Variants in STAU2 observed in about 807,000 individuals in gnomAD.
STAU2 encodes double-stranded RNA-binding protein Staufen homolog 2.
A neutral mutation model predicts 65.9 loss-of-function variants in STAU2; 20 were observed. The observed-to-expected ratio is 0.30, with a 90% CI of 0.21 to 0.44. The LOEUF is 0.44. Ranked by LOEUF, STAU2 falls within the 20% of genes least tolerant of loss-of-function variation. STAU2 has a pLI of 1.00. For missense variants in STAU2, 558 were observed against 683.9 expected, an observed-to-expected ratio of 0.82 and a Z score of 2.05; for synonymous variants, 232 against 233.9, an observed-to-expected ratio of 0.99 and a Z score of 0.07.
chr8:73,696,190 T>A (rs1022841022), intron 4 of STAU2, among the ~76,000 whole-genome samples: 3 of 152,164 alleles, frequency 2.0e-5, no homozygotes, highest in African/African-American at 7.2e-5. Context: ...CTCTAACAAG[T>A]CTCCAAAAGC....
chr8:73,635,412 C>T (rs1161141207), intron 6 of STAU2, among the ~76,000 whole-genome samples: 1 of 152,110 alleles, frequency 6.6e-6, no homozygotes, highest in African/African-American at 2.4e-5. Context: ...TGAAGGCAAG[C>T]CCATCTATTC....
chr8:73,447,784 G>A (rs1431556047), intron 13 of STAU2, among the ~76,000 whole-genome samples: 2 of 152,118 alleles, frequency 1.3e-5, no homozygotes, highest in African/African-American at 4.8e-5. Flanking sequence ...GTTAGCAGTC[G>A]TTTTCCTTTT....
chr8:73,738,259 GA>G, intron 3 of STAU2, 24 bp downstream of exon 3: 2 of 1,603,536 alleles, frequency 1.2e-6, no homozygotes, highest in Admixed American at 1.7e-5. Context: ...ATGTAAGCAT[GA>G]AAAATGCCTT....
chr8:73,664,185 G>T (rs1322980306), intron 6 of STAU2, among the ~76,000 whole-genome samples: 3 of 152,064 alleles, frequency 2.0e-5, no homozygotes, highest in African/African-American at 4.8e-5. Context: ...CCAAGTAGCT[G>T]GGACTAGAGG....
chr8:73,497,455 T>TGTC (rs1821483923), intron 13 of STAU2, among the ~76,000 whole-genome samples: 1 of 151,118 alleles, frequency 6.6e-6, no homozygotes, highest in Admixed American at 6.6e-5. Flanking sequence ...CAATAATAAA[T>TGTC]ATTGCAATTC....
At chr8:73,546,977 G>A (rs1039947279) in intron 13 of STAU2, among the ~76,000 whole-genome samples, 2 of 152,142 alleles carry the variant, frequency 1.3e-5, no homozygotes, top group African/African-American at 2.4e-5. Flanking sequence ...CCAAGTAGTA[G>A]AATTTTCATG....
chr8:73,728,508 T>C (rs1441347165), intron 3 of STAU2, among the ~76,000 whole-genome samples: 2 of 150,224 alleles, frequency 1.3e-5, no homozygotes, highest in African/African-American at 2.4e-5. Context: ...AGAGATTGCA[T>C]TGAATCTGGA....
intron 10 of STAU2, among the ~76,000 whole-genome samples, chr8:73,596,309 T>C (rs1164562822): frequency 6.6e-6 from 1 of 152,188 alleles, no homozygotes; most frequent in African/African-American, 2.4e-5. Flanking sequence ...AACCACAGCA[T>C]TTAATCCATC....
chr8:73,538,333 G>T (rs149053213), intron 13 of STAU2, among the ~76,000 whole-genome samples: 13 of 151,968 alleles, frequency 8.6e-5, no homozygotes, highest in African/African-American at 3.1e-4. Flanking sequence ...CTTTTTAAGG[G>T]CCATTTACAA....
At chr8:73,594,156 CAT>C (rs1415833020) in intron 11 of STAU2, among the ~76,000 whole-genome samples, 12 of 152,050 alleles carry the variant, frequency 7.9e-5, no homozygotes, top group South Asian at 2.1e-4. Context: ...AACTGGAACA[CAT>C]GTTAGGTTTC....
chr8:73,729,920 T>C (rs187445702), intron 3 of STAU2, among the ~76,000 whole-genome samples: 3 of 152,310 alleles, frequency 2.0e-5, no homozygotes, highest in Admixed American at 2.0e-4. Flanking sequence ...CTATCTGTGT[T>C]TTTTCTTTGT....
Position 73,540,705 on chromosome 8 carries a change from T to C in STAU2, c.1530+11307A>G, listed in dbSNP as rs544561706. Among the ~76,000 whole-genome samples the C allele has an allele frequency of 6.6e-5, 10 of 152,190 alleles. No individual in the cohort carries two copies. The South Asian group carries it at 8.3e-4, about 13-fold the overall frequency. On this transcript the variant is annotated intron_variant, in intron 13 of 14. Coordinates refer to ENST00000524300, the MANE Select transcript of STAU2 (RefSeq NM_001164380.2). ...CTTTTGCAGATATCAAAGTAAAATA[T>C]AGACAAAATAAAAAATATTTGAAGA...
At chr8:73,580,880 T>G (rs2128961646) in intron 12 of STAU2, among the ~76,000 whole-genome samples, 1 of 152,344 alleles carries the variant, frequency 6.6e-6, no homozygotes, top group Non-Finnish European at 1.5e-5. Flanking sequence ...TGGGAAGAGA[T>G]AACAGAACAT....
chr8:73,731,077 C>T (rs73689041), intron 3 of STAU2, among the ~76,000 whole-genome samples: 30,744 of 152,066 alleles, frequency 0.2, 3,482 homozygotes, highest in East Asian at 0.36. Context: ...AGTAGGAACA[C>T]GACTATTTGA....
At chr8:73,656,385 T>C (rs1435649608) in intron 6 of STAU2, among the ~76,000 whole-genome samples, 1 of 152,256 alleles carries the variant, frequency 6.6e-6, no homozygotes, top group Non-Finnish European at 1.5e-5. Flanking sequence ...CAATTGATGT[T>C]AAGTCCTCTC....
intron 6 of STAU2, among the ~76,000 whole-genome samples, chr8:73,662,606 T>TTGC (rs1816915799): frequency 6.6e-6 from 1 of 151,764 alleles, no homozygotes; most frequent in Admixed American, 6.6e-5. Flanking sequence ...GTTTTTGTTG[T>TTGC]TGTTGTTGTT....
chr8:73,452,755 G>A (rs1818864848), intron 13 of STAU2, among the ~76,000 whole-genome samples: 1 of 152,266 alleles, frequency 6.6e-6, no homozygotes, highest in South Asian at 2.1e-4. Context: ...TTTTCTGAGT[G>A]AATTCTAAGT....
At chr8:73,479,090 C>G (rs1820471177) in intron 13 of STAU2, among the ~76,000 whole-genome samples, 1 of 152,064 alleles carries the variant, frequency 6.6e-6, no homozygotes, top group Admixed American at 6.6e-5. Context: ...TATACCTTCA[C>G]CCACTCCCCC....
chr8:73,648,605 T>A (rs1432372141), intron 6 of STAU2, among the ~76,000 whole-genome samples: 1 of 152,220 alleles, frequency 6.6e-6, no homozygotes, highest in East Asian at 1.9e-4. Context: ...AACAATTTCA[T>A]GTATTTCCCT....
Sources: allele counts gnomAD v4.1 joint callset (sites outside exome capture counted in the v4.1 genomes callset), GRCh38; gene constraint gnomAD v4.1.1; transcripts MANE v1.5; gene names NCBI Gene and HGNC (gene_info 2026-07-23, HGNC 2026-07-21).